PDZRN4: variants seen among roughly 807,000 people sequenced by gnomAD.
PDZRN4 encodes PDZ domain containing ring finger 4.
Under a neutral mutation model 99.0 loss-of-function variants are expected in PDZRN4, and 70 were observed. The observed-to-expected ratio is 0.71, with a 90% CI of 0.58 to 0.86. The LOEUF is 0.86. Ranked by LOEUF, PDZRN4 falls within the 40% of genes least tolerant of loss-of-function variation. The probability of loss-of-function intolerance (pLI) is 0.00; values close to 1 mark genes in which losing one functional copy is unlikely to be tolerated. For missense variants in PDZRN4, 1,474 were observed against 1,331.2 expected (o/e 1.11, Z -1.67); for synonymous variants, 551 against 501.6 (o/e 1.10, Z -1.32).
At chr12:41,403,533 G>A (rs1040495373) in intron 3 of PDZRN4, among the ~76,000 whole-genome samples, 1 of 152,124 alleles carries the variant, frequency 6.6e-6, no homozygotes, top group Non-Finnish European at 1.5e-5. Context: ...GATCCTAAGA[G>A]TTACAGAATA....
intron 3 of PDZRN4, among the ~76,000 whole-genome samples, chr12:41,444,924 A>C (rs1165033808): frequency 6.6e-6 from 1 of 152,066 alleles, no homozygotes; most frequent in Non-Finnish European, 1.5e-5. Flanking sequence ...TTTGATATGC[A>C]AAAGACCTTT....
chr12:41,260,479 T>C (rs1032740804), intron 3 of PDZRN4, among the ~76,000 whole-genome samples: 2 of 152,146 alleles, frequency 1.3e-5, no homozygotes, highest in African/African-American at 2.4e-5. Flanking sequence ...GAATGTAGCA[T>C]ATGTAAGTTA....
chr12:41,223,207 A>T (rs957924435), intron 3 of PDZRN4, among the ~76,000 whole-genome samples: 1 of 152,184 alleles, frequency 6.6e-6, no homozygotes, highest in Admixed American at 6.5e-5. Flanking sequence ...AGCATGTGAT[A>T]GGTTTATTTG....
At chr12:41,377,725 C>G (rs891487790) in intron 3 of PDZRN4, among the ~76,000 whole-genome samples, 4 of 151,858 alleles carry the variant, frequency 2.6e-5, no homozygotes, top group African/African-American at 9.7e-5. Flanking sequence ...ACATTTATTC[C>G]TAAGTATTAT....
At chr12:41,195,978 T>C (rs1937786571) in intron 3 of PDZRN4, among the ~76,000 whole-genome samples, 1 of 152,158 alleles carries the variant, frequency 6.6e-6, no homozygotes, top group African/African-American at 2.4e-5. Flanking sequence ...AAATACGTAT[T>C]GGCAATTTAA....
intron 1 of PDZRN4, among the ~76,000 whole-genome samples, chr12:41,190,044 T>C (rs1340325397): frequency 6.6e-6 from 1 of 152,158 alleles, no homozygotes; most frequent in Non-Finnish European, 1.5e-5. Context: ...GTGTCTGACA[T>C]TGTTGGTCGC....
chr12:41,512,061 T>TTA (rs1938315491), intron 5 of PDZRN4, among the ~76,000 whole-genome samples: 1 of 152,100 alleles, frequency 6.6e-6, no homozygotes, highest in South Asian at 2.1e-4. Flanking sequence ...TGAGGTTTAA[T>TTA]GGCCAAGAAG....
intron 3 of PDZRN4, among the ~76,000 whole-genome samples, chr12:41,324,485 C>A (rs1951698189): frequency 6.6e-6 from 1 of 151,986 alleles, no homozygotes; most frequent in South Asian, 2.1e-4. Context: ...GCTGTCTATC[C>A]ATTAACTACA....
At chr12:41,520,851 A>G (rs1055369603) in intron 5 of PDZRN4, among the ~76,000 whole-genome samples, 1 of 152,160 alleles carries the variant, frequency 6.6e-6, no homozygotes, top group African/African-American at 2.4e-5. Flanking sequence ...TAGTCATCAT[A>G]AATGAAACAG....
intron 3 of PDZRN4, among the ~76,000 whole-genome samples, chr12:41,464,702 A>T (rs1952908093): frequency 6.6e-6 from 1 of 152,184 alleles, no homozygotes; most frequent in Non-Finnish European, 1.5e-5. Context: ...TCACTCTTAG[A>T]AAAAGCAAAG....
chr12:41,553,624 T>A (rs1287422763), intron 6 of PDZRN4, among the ~76,000 whole-genome samples: 1 of 152,018 alleles, frequency 6.6e-6, no homozygotes, highest in Non-Finnish European at 1.5e-5. Context: ...AGCACAGTAA[T>A]TCGATGTTAC....
At chr12:41,388,452 C>A (rs997522144) in intron 3 of PDZRN4, among the ~76,000 whole-genome samples, 10 of 151,794 alleles carry the variant, frequency 6.6e-5, no homozygotes, top group African/African-American at 2.2e-4. Flanking sequence ...TTGTAGGCCA[C>A]TGTCAAGACT....
chr12:41,459,844 G>GA, intron 3 of PDZRN4: 1 of 880,688 alleles, frequency 1.1e-6, no homozygotes. Flanking sequence ...GGGGTATTGG[G>GA]AAAAAATACC....
At chr12:41,197,087 TTATA>T (rs1282074864) in intron 3 of PDZRN4, among the ~76,000 whole-genome samples, 2 of 152,134 alleles carry the variant, frequency 1.3e-5, no homozygotes, top group South Asian at 4.1e-4. Context: ...ATTCTATGGT[TTATA>T]TATAGTCAAG....
chr12:41,389,663 A>G (rs1952195266), intron 3 of PDZRN4, among the ~76,000 whole-genome samples: 2 of 152,216 alleles, frequency 1.3e-5, no homozygotes, highest in Admixed American at 6.5e-5. Flanking sequence ...GTCTACTGAG[A>G]TACTTGACAA....
At chr12:41,527,124 CTT>C (rs1013311387) in intron 5 of PDZRN4, among the ~76,000 whole-genome samples, 9 of 152,162 alleles carry the variant, frequency 5.9e-5, no homozygotes, top group African/African-American at 2.2e-4. Flanking sequence ...GTGGCTGACT[CTT>C]TGGGAAATGG....
At chr12:41,431,163 G>T (rs751395987) in intron 3 of PDZRN4, among the ~76,000 whole-genome samples, 6 of 152,136 alleles carry the variant, frequency 3.9e-5, no homozygotes, top group Non-Finnish European at 8.8e-5. Flanking sequence ...TATCAACTTG[G>T]AAATTGAAAA....
chr12:41,211,825 C>T (rs1158897322), intron 3 of PDZRN4, among the ~76,000 whole-genome samples: 3 of 151,916 alleles, frequency 2.0e-5, no homozygotes, highest in African/African-American at 4.8e-5. Flanking sequence ...TAGTTTTTAA[C>T]GAGACCAGAA....
At chr12:41,227,919 A>ACACC (rs1477565383) in intron 3 of PDZRN4, among the ~76,000 whole-genome samples, 2 of 31,118 alleles carry the variant, frequency 6.4e-5, no homozygotes, top group African/African-American at 1.3e-4. Context: ...ACACACACAC[A>ACACC]CCAGAAGGGT....
Sources: gnomAD v4.1 joint callset for allele counts (sites outside exome capture counted in the v4.1 genomes callset) on GRCh38, gnomAD v4.1.1 for gene constraint, MANE v1.5 for transcripts, NCBI Gene and HGNC (gene_info 2026-07-23, HGNC 2026-07-21) for gene names.